Variants in MAGI1 observed in about 807,000 individuals in gnomAD.
MAGI1 encodes the protein membrane-associated guanylate kinase, WW and PDZ domain-containing protein 1.
In MAGI1, 58 loss-of-function variants were observed where a neutral mutation model predicts 139.9. That is an observed-to-expected ratio of 0.41 (90% CI 0.34 to 0.52). The LOEUF is 0.52. Ranked by LOEUF, MAGI1 falls within the 20% of genes least tolerant of loss-of-function variation. The pLI is 0.12. For synonymous variants in MAGI1, 812 were observed against 737.9 expected (o/e 1.10, Z -1.63); for missense variants, 1,874 against 1,901.6 (o/e 0.99, Z 0.27).
intron 20 of MAGI1, among the ~76,000 whole-genome samples, chr3:65,364,071 G>A (rs1057190597): frequency 2.8e-5 from 4 of 144,922 alleles, no homozygotes; most frequent in Admixed American, 7.1e-5. Flanking sequence ...CTGGGGACTT[G>A]TAATACCAGC....
intron 2 of MAGI1, among the ~76,000 whole-genome samples, chr3:65,619,457 A>AC (rs1315247889): frequency 6.6e-6 from 1 of 152,062 alleles, no homozygotes; most frequent in Admixed American, 6.6e-5. Flanking sequence ...AAAGATGTCT[A>AC]CCCCCACCAC....
At chr3:65,390,703 C>T (rs1178114611) in intron 14 of MAGI1, among the ~76,000 whole-genome samples, 2 of 152,032 alleles carry the variant, frequency 1.3e-5, no homozygotes, top group Non-Finnish European at 2.9e-5. Context: ...AAAAAAATTA[C>T]CAGTATTTTT....
chr3:65,379,652 C>T (rs1435464892), intron 16 of MAGI1, 98 bp from the exon 17 acceptor site: 4 of 1,525,938 alleles, frequency 2.6e-6, no homozygotes, highest in South Asian at 1.3e-5. Flanking sequence ...GAAATCAAAA[C>T]GTGAACCGAG....
At chr3:65,541,880 T>C (rs527816220) in intron 2 of MAGI1, among the ~76,000 whole-genome samples, 1 of 152,278 alleles carries the variant, frequency 6.6e-6, no homozygotes, top group Admixed American at 6.5e-5. Context: ...ATGCTCTCTC[T>C]CACCACTCCT....
At chr3:65,905,467 G>A (rs993618159) in intron 1 of MAGI1, among the ~76,000 whole-genome samples, 1 of 150,600 alleles carries the variant, frequency 6.6e-6, no homozygotes, top group African/African-American at 2.4e-5. Flanking sequence ...ACACACCCTG[G>A]GTGACAGAGT....
chr3:65,601,536 A>G (rs2082482035), intron 2 of MAGI1, among the ~76,000 whole-genome samples: 1 of 152,194 alleles, frequency 6.6e-6, no homozygotes, highest in Non-Finnish European at 1.5e-5. Flanking sequence ...TTAAAAAACA[A>G]AAGTAGAAAA....
chr3:65,406,201 C>T (rs1049495093), intron 12 of MAGI1, among the ~76,000 whole-genome samples: 3 of 151,864 alleles, frequency 2.0e-5, no homozygotes, highest in African/African-American at 4.8e-5. Flanking sequence ...TGTGCTTGTC[C>T]TACTGATTAA....
chr3:65,714,643 T>TA (rs1240053477), intron 1 of MAGI1, among the ~76,000 whole-genome samples: 9 of 151,804 alleles, frequency 5.9e-5, no homozygotes, highest in Non-Finnish European at 1.3e-4. Context: ...TAAGTAGGGT[T>TA]AAAAAAAACC....
At chr3:65,753,194 C>T (rs1190340908) in intron 1 of MAGI1, among the ~76,000 whole-genome samples, 1 of 152,056 alleles carries the variant, frequency 6.6e-6, no homozygotes, top group Admixed American at 6.5e-5. Flanking sequence ...AAACTGAGTG[C>T]CCGAGAACCA....
intron 1 of MAGI1, among the ~76,000 whole-genome samples, chr3:65,977,898 C>T (rs750900286): frequency 6.6e-6 from 1 of 152,134 alleles, no homozygotes; most frequent in Non-Finnish European, 1.5e-5. Flanking sequence ...CTGTCCTCTG[C>T]CCCCAGATCA....
At chr3:65,401,368 A>ACCCACCCCCCCC in intron 13 of MAGI1, 71 bp downstream of exon 13, 1 of 1,323,564 alleles carries the variant, frequency 7.6e-7, no homozygotes, top group South Asian at 1.3e-5. Flanking sequence ...CACACAGAGT[A>ACCCACCCCCCCC]CCCTCCCACC....
intron 12 of MAGI1, among the ~76,000 whole-genome samples, chr3:65,425,776 A>G (rs4583574): frequency 0.32 from 48,534 of 152,084 alleles, 8,671 homozygotes; most frequent in African/African-American, 0.49. Context: ...ACCTACTGAT[A>G]GGTGTGAATT....
At chr3:65,570,711 T>C (rs532712966) in intron 2 of MAGI1, among the ~76,000 whole-genome samples, 2 of 152,320 alleles carry the variant, frequency 1.3e-5, no homozygotes, top group African/African-American at 4.8e-5. Context: ...AGCTACATGA[T>C]GGGCATCTGG....
At chr3:65,624,998 G>A (rs6445492) in intron 1 of MAGI1, among the ~76,000 whole-genome samples, 4,133 of 152,036 alleles carry the variant, frequency 0.027, 169 homozygotes, top group African/African-American at 0.089. Flanking sequence ...TCAGCCTTCC[G>A]AGTAGCAGGG....
intron 1 of MAGI1, among the ~76,000 whole-genome samples, chr3:65,725,306 G>C (rs779347903): frequency 1.2e-4 from 18 of 152,164 alleles, no homozygotes; most frequent in Non-Finnish European, 2.2e-4. Context: ...GTGTACCCCA[G>C]TGTCTCCATC....
chr3:65,624,871 A>G (rs1016233554), intron 1 of MAGI1, among the ~76,000 whole-genome samples: 1 of 152,080 alleles, frequency 6.6e-6, no homozygotes, highest in Non-Finnish European at 1.5e-5. Context: ...GGAGATGCCA[A>G]TATAATATTT....
intron 1 of MAGI1, among the ~76,000 whole-genome samples, chr3:65,976,362 C>A (rs1281390269): frequency 6.6e-6 from 1 of 152,148 alleles, no homozygotes; most frequent in African/African-American, 2.4e-5. Context: ...GGCATGGTGG[C>A]TCATGCCTGT....
intron 2 of MAGI1, among the ~76,000 whole-genome samples, chr3:65,548,381 C>A (rs376762692): frequency 1.3e-5 from 2 of 152,142 alleles, no homozygotes; most frequent in Admixed American, 1.3e-4. Flanking sequence ...TCTCCCTGCA[C>A]TGGGGACCAC....
intron 1 of MAGI1, among the ~76,000 whole-genome samples, chr3:65,626,679 T>C (rs1408895321): frequency 6.6e-6 from 1 of 152,186 alleles, no homozygotes; most frequent in Non-Finnish European, 1.5e-5. Context: ...ATATTCAAAC[T>C]AGCCAAGGTA....
Sources: gnomAD v4.1 joint callset for allele counts (sites outside exome capture counted in the v4.1 genomes callset) on GRCh38, gnomAD v4.1.1 for gene constraint, MANE v1.5 for transcripts, NCBI Gene and HGNC (gene_info 2026-07-23, HGNC 2026-07-21) for gene names.